Variants in UNC80 observed in about 807,000 individuals in gnomAD.
UNC80 encodes unc-80 subunit of NALCN channel complex.
UNC80 carries 164 observed loss-of-function variants against 384.6 expected under a neutral mutation model. The ratio of observed to expected loss-of-function variants is 0.43; its 90% CI spans 0.38 to 0.49. The LOEUF (loss-of-function observed/expected upper bound fraction) is 0.49, where lower values mean the gene tolerates loss of function less well. Ranked by LOEUF, UNC80 falls within the 20% of genes least tolerant of loss-of-function variation. The pLI, the probability that UNC80 is intolerant of heterozygous loss-of-function variation, is 0.00. For synonymous variants in UNC80, 1,486 were observed against 1,527.8 expected, an observed-to-expected ratio of 0.97 and a Z score of 0.64; for missense variants, 3,330 against 4,143.0, an observed-to-expected ratio of 0.80 and a Z score of 5.39.
intron 1 of UNC80, 140 bp downstream of exon 1, chr2:209,772,304 T>C: frequency 3.1e-6 from 1 of 321,464 alleles, no homozygotes; most frequent in East Asian, 6.1e-5. Flanking sequence ...AAACAAGCCC[T>C]CTGCACCAGC....
At chr2:209,799,941 CT>C (rs1286290297) in intron 7 of UNC80, among the ~76,000 whole-genome samples, 6 of 152,100 alleles carry the variant, frequency 3.9e-5, no homozygotes, top group African/African-American at 1.2e-4. Context: ...TGGTGGACAT[CT>C]TTTTTGATGT....
intron 47 of UNC80, among the ~76,000 whole-genome samples, chr2:209,946,370 A>G (rs1040343517): frequency 2.3e-5 from 3 of 129,208 alleles, no homozygotes; most frequent in African/African-American, 3.3e-5. Context: ...ACTTTGTCAG[A>G]AAAAAAAAAA....
At chr2:209,903,877 G>C (rs1243060855) in intron 28 of UNC80, among the ~76,000 whole-genome samples, 3 of 151,564 alleles carry the variant, frequency 2.0e-5, no homozygotes, top group Non-Finnish European at 4.4e-5. Flanking sequence ...ATCTTGCTTT[G>C]TGCTCTCTTT....
At chr2:209,775,065 A>G (rs551775606) in intron 2 of UNC80, among the ~76,000 whole-genome samples, 70 of 152,282 alleles carry the variant, frequency 4.6e-4, no homozygotes, top group African/African-American at 1.6e-3. Flanking sequence ...TTACATGCCA[A>G]ATGTTTATTA....
intron 23 of UNC80, among the ~76,000 whole-genome samples, chr2:209,876,197 G>C (rs938922354): frequency 6.6e-6 from 1 of 152,130 alleles, no homozygotes; most frequent in Non-Finnish European, 1.5e-5. Flanking sequence ...TCCTATGTTT[G>C]AATCCTGCTG....
At chr2:209,930,117 A>T (rs898402217) in intron 37 of UNC80, 146 bp downstream of exon 37, 4 of 434,904 alleles carry the variant, frequency 9.2e-6, no homozygotes, top group Non-Finnish European at 1.6e-5. Flanking sequence ...AATGATAATG[A>T]TGAGCAATAC....
At position 209,922,375 on chromosome 2, in the gene UNC80, G is replaced by T; in HGVS notation, c.5654G>T (p.Ser1885Ile). ...GTCTGGTCAGTGCGTTCAGCCGTCA[G>T]TGCTGAAGGTGTGTCCTCTTGCATA... Reference protein sequence around the residue: ...GSVWSVRSAVSAEDEEHTTEH... With the variant: ...GSVWSVRSAVIAEDEEHTTEH... Residue 1885 changes from serine (S) to isoleucine (I), a missense_variant, in exon 35 of 65, where the codon AGT becomes ATT. Transcript: ENST00000673920. The T allele has an allele frequency of 6.4e-7, 1 of 1,551,586 alleles. No homozygotes were observed. Among genetic ancestry groups the T allele is most frequent in the Non-Finnish European group, 8.7e-7 (1 of 1,146,858 alleles).
rs2086620384 is a variant in UNC80 at position 209,894,382 on chromosome 2, G to T, written c.4480+16G>T. ...ACTGACCTAGGTAACATAGAGGAGT[G>T]GGGTGTGCAGGGACGTGGGGGGTAG... On this transcript the variant is annotated intron_variant, in intron 27 of 64. Transcript: ENST00000673920. 1.0e-6 allele frequency: 1 copy of T among 984,484 alleles called. No individual in the cohort carries two copies. Among genetic ancestry groups the T allele is most frequent in the Admixed American group, 6.2e-5 (1 of 16,242 alleles). The allele number at this position is 984,484 out of a possible 1,614,324, so 61.0% of individuals were successfully genotyped here.
In UNC80 at chr2:209,996,651, T is replaced by C. The variant is rs1299568180; in HGVS notation, c.*1056T>C. 1 of 152,158 alleles carries C rather than the reference T, an allele frequency of 6.6e-6. No homozygotes were observed. Among genetic ancestry groups the C allele is most frequent in the Admixed American group, 6.5e-5 (1 of 15,282 alleles). The allele number at this position is 152,158 out of a possible 1,614,324, so 9.4% of individuals were successfully genotyped here. A position where few individuals can be genotyped will look rare whatever the true frequency, so the allele number is the denominator to read the frequency against. ...GCAATTTCTTCATAGACACCTCCAG[T>C]TTATATATTTTGCAAATAGGCCTTT... On this transcript the variant is annotated 3_prime_UTR_variant, in exon 65 of 65. Coordinates refer to ENST00000673920, the MANE Select transcript of UNC80 (RefSeq NM_001371986.1).
At chr2:209,991,484 G>A (rs1311763497) in intron 61 of UNC80, among the ~76,000 whole-genome samples, 1 of 152,070 alleles carries the variant, frequency 6.6e-6, no homozygotes, top group Non-Finnish European at 1.5e-5. Flanking sequence ...GGGGGAGCAG[G>A]TTGTTGCTTT....
At chr2:209,986,564 A>G (rs2093293157) in intron 61 of UNC80, among the ~76,000 whole-genome samples, 1 of 152,168 alleles carries the variant, frequency 6.6e-6, no homozygotes. Context: ...TGATTTGTCT[A>G]CAGCTGAATT....
intron 22 of UNC80, among the ~76,000 whole-genome samples, chr2:209,858,397 G>T (rs1256318752): frequency 6.6e-6 from 1 of 151,936 alleles, no homozygotes; most frequent in African/African-American, 2.4e-5. Flanking sequence ...TGTTACTTAG[G>T]TGTATGTCTT....
intron 6 of UNC80, among the ~76,000 whole-genome samples, chr2:209,789,841 C>G (rs974397281): frequency 1.3e-5 from 2 of 152,012 alleles, no homozygotes; most frequent in East Asian, 3.9e-4. Context: ...AGTATTTTAT[C>G]TCGGTGGTTA....
intron 5 of UNC80, among the ~76,000 whole-genome samples, chr2:209,788,639 A>G (rs556655166): frequency 1.0e-3 from 148 of 148,496 alleles, no homozygotes; most frequent in African/African-American, 3.5e-3. Context: ...ATATGACTAT[A>G]TTAAAAAGCT....
intron 48 of UNC80, 114 bp from the exon 49 acceptor site, chr2:209,957,530 A>G: frequency 1.1e-6 from 1 of 879,120 alleles, no homozygotes; most frequent in South Asian, 2.0e-5. Context: ...TCTTTTGAAG[A>G]CTCTAAAACT....
chr2:209,855,480 A>G (rs557476873), intron 22 of UNC80, among the ~76,000 whole-genome samples: 1 of 152,330 alleles, frequency 6.6e-6, no homozygotes, highest in African/African-American at 2.4e-5. Context: ...ATAAAATAAA[A>G]TGAAACAAAA....
intron 47 of UNC80, among the ~76,000 whole-genome samples, chr2:209,949,873 G>T (rs1396286107): frequency 6.6e-6 from 1 of 151,412 alleles, no homozygotes; most frequent in African/African-American, 2.4e-5. Context: ...TGTTGCCAAG[G>T]TTGGAGTGCA....
At position 209,888,204 on chromosome 2, in the gene UNC80, C is replaced by G; in HGVS notation, c.4220C>G (p.Ser1407Cys). The change falls in exon 26 of 65, where the codon TCT (serine) becomes TGT (cysteine). Residue 1407 changes from serine (S) to cysteine (C), a missense_variant. Around this residue, in one of 8 missense-constraint regions of UNC80, gnomAD observed 801 missense variants for 950.8 expected, o/e 0.84. Transcript: ENST00000673920. Reference sequence around the variant, plus strand: ...GACGAAAATGAAGACTCAAAAGATTCTCTCCACAGCAGCAGCCACACTCTC... The same window carrying G: ...GACGAAAATGAAGACTCAAAAGATTGTCTCCACAGCAGCAGCCACACTCTC... The part of the protein sequence containing the change: ...VLDENEDSKD[S>C]LHSSSHTLKS... 6.4e-7 allele frequency: 1 copy of G among 1,551,648 alleles called. No homozygotes were observed. Among genetic ancestry groups the G allele is most frequent in the Non-Finnish European group, 8.7e-7 (1 of 1,146,982 alleles).
At chr2:209,918,026 A>G (rs899139954) in intron 32 of UNC80, 68 bp downstream of exon 32, 8 of 1,453,438 alleles carry the variant, frequency 5.5e-6, no homozygotes, top group Non-Finnish European at 7.5e-6. Flanking sequence ...AAACCGTTGA[A>G]CCTCAAAGTC....
Sources: gnomAD v4.1 joint callset for allele counts (sites outside exome capture counted in the v4.1 genomes callset) on GRCh38, gnomAD v4.1.1 for gene constraint, gnomAD v4.1.1 regional missense constraint, MANE v1.5 for transcripts, NCBI Gene and HGNC (gene_info 2026-07-23, HGNC 2026-07-21) for gene names.